Variants in SDK1 observed in about 807,000 individuals in gnomAD.
The protein encoded by SDK1 is sidekick cell adhesion molecule 1.
In SDK1, 157 loss-of-function variants were observed where a neutral mutation model predicts 245.5. The observed-to-expected ratio is 0.64, with a 90% confidence interval of 0.56 to 0.73. SDK1 has a LOEUF of 0.73. SDK1 is among the 30% of genes least tolerant of loss of function. SDK1 has a pLI of 0.00. For synonymous variants in SDK1, 1,647 were observed against 1,278.5 expected (o/e 1.29, Z -6.15); for missense variants, 3,583 against 3,002.3 (o/e 1.19, Z -4.52).
At chr7:4,211,724 C>T (rs1488825387) in intron 38 of SDK1, among the ~76,000 whole-genome samples, 5 of 152,236 alleles carry the variant, frequency 3.3e-5, no homozygotes, top group Non-Finnish European at 7.3e-5. Flanking sequence ...ATTCTCCTGC[C>T]TCAGCCTCCC....
At chr7:3,754,465 C>A (rs1334551638) in intron 4 of SDK1, among the ~76,000 whole-genome samples, 4 of 152,126 alleles carry the variant, frequency 2.6e-5, no homozygotes, top group African/African-American at 9.7e-5. Flanking sequence ...GAGGTGAAAT[C>A]TTTTATCAGC....
At chr7:3,691,434 G>A (rs1784434742) in intron 4 of SDK1, among the ~76,000 whole-genome samples, 1 of 152,170 alleles carries the variant, frequency 6.6e-6, no homozygotes, top group African/African-American at 2.4e-5. Flanking sequence ...AGAAACAACT[G>A]GAGTCCAAGT....
At chr7:3,360,480 TTG>T (rs1780922459) in intron 1 of SDK1, among the ~76,000 whole-genome samples, 1 of 152,144 alleles carries the variant, frequency 6.6e-6, no homozygotes, top group South Asian at 2.1e-4. Flanking sequence ...TTACATGAAT[TTG>T]TGTGTGTTTG....
chr7:3,941,977 T>C (rs1367896659), intron 5 of SDK1, among the ~76,000 whole-genome samples: 1 of 151,450 alleles, frequency 6.6e-6, no homozygotes, highest in Non-Finnish European at 1.5e-5. Flanking sequence ...GGCGTGATCT[T>C]GGCTCACCTC....
chr7:3,382,107 ATTTTTAT>A (rs976421453), intron 1 of SDK1, among the ~76,000 whole-genome samples: 6 of 151,846 alleles, frequency 4.0e-5, no homozygotes, highest in Non-Finnish European at 7.4e-5. Flanking sequence ...TCCTCATTTT[ATTTTTAT>A]TTTTTATTTT....
Position 3,374,690 on chromosome 7 carries a change from C to G in SDK1, c.298+72806C>G, listed in dbSNP as rs538731206. On this transcript the variant is annotated intron_variant, in intron 1 of 44. Coordinates refer to ENST00000404826, the MANE Select transcript of SDK1 (RefSeq NM_152744.4). ...GCCTAGACCAATTTCTAACCATGCTCTGCTCCTCCAGTCCCCACTACACAC... is the reference window on the plus strand; with the variant it reads ...GCCTAGACCAATTTCTAACCATGCTGTGCTCCTCCAGTCCCCACTACACAC... Among the ~76,000 whole-genome samples the G allele has an allele frequency of 9.9e-4, 150 of 152,234 alleles. 1 individual carries two copies. The highest frequency in any genetic ancestry group is 1.2e-3 in the Non-Finnish European group (80 of 68,008).
intron 4 of SDK1, among the ~76,000 whole-genome samples, chr7:3,649,770 C>T (rs10236517): frequency 0.2 from 30,267 of 152,028 alleles, 3,411 homozygotes; most frequent in South Asian, 0.34. Flanking sequence ...CCTAAGTCCA[C>T]ACCGTTCCAC....
intron 1 of SDK1, among the ~76,000 whole-genome samples, chr7:3,425,504 C>T (rs185726809): frequency 1.3e-5 from 2 of 152,132 alleles, no homozygotes; most frequent in Non-Finnish European, 2.9e-5. Context: ...TGTTTTTCTT[C>T]TGTTAGATAC....
chr7:4,070,995 A>G (rs1475458612), intron 20 of SDK1, among the ~76,000 whole-genome samples: 2 of 151,748 alleles, frequency 1.3e-5, no homozygotes, highest in Admixed American at 6.6e-5. Flanking sequence ...TCTTATAAGC[A>G]TATAGCTGGA....
At chr7:3,346,749 ATGTG>A (rs199510102) in intron 1 of SDK1, among the ~76,000 whole-genome samples, 39 of 118,928 alleles carry the variant, frequency 3.3e-4, no homozygotes, top group Non-Finnish European at 5.2e-4. Flanking sequence ...ACGTATATAT[ATGTG>A]TGTGTGTATA....
At chr7:3,314,690 G>A (rs944906368) in intron 1 of SDK1, among the ~76,000 whole-genome samples, 3 of 152,174 alleles carry the variant, frequency 2.0e-5, no homozygotes, top group Non-Finnish European at 4.4e-5. Context: ...GTCTTCTGTG[G>A]AATGAAAAGC....
Position 4,245,243 on chromosome 7 carries a change from T to C in SDK1, c.6252-433T>C, listed in dbSNP as rs556846965. Reference sequence around the variant, plus strand: ...CAAACTTCCCCAATTCCCTCTCATCTGTAGGAGACAATTCCCACTCCTTAG... The same window carrying C: ...CAAACTTCCCCAATTCCCTCTCATCCGTAGGAGACAATTCCCACTCCTTAG... On this transcript the variant is annotated intron_variant, in intron 43 of 44. Coordinates refer to ENST00000404826, the MANE Select transcript of SDK1 (RefSeq NM_152744.4). 3.4e-3 allele frequency among the ~76,000 whole-genome samples: 519 copies of C among 152,268 alleles called. 4 individuals are homozygous for C. Among genetic ancestry groups the C allele is most frequent in the African/African-American group, 0.012 (498 of 41,550 alleles).
At chr7:3,421,568 A>G (rs947418536) in intron 1 of SDK1, among the ~76,000 whole-genome samples, 2 of 152,176 alleles carry the variant, frequency 1.3e-5, no homozygotes, top group African/African-American at 4.8e-5. Context: ...AGTTTTCAGT[A>G]TTGAGCTGCT....
At chr7:3,895,726 C>T (rs1326967437) in intron 5 of SDK1, among the ~76,000 whole-genome samples, 1 of 152,164 alleles carries the variant, frequency 6.6e-6, no homozygotes, top group Non-Finnish European at 1.5e-5. Context: ...GTGCTTGATG[C>T]CATCAGTATC....
At chr7:3,591,999 C>T (rs781077564) in intron 1 of SDK1, among the ~76,000 whole-genome samples, 3 of 152,152 alleles carry the variant, frequency 2.0e-5, no homozygotes, top group Non-Finnish European at 4.4e-5. Context: ...TAGTTCTATA[C>T]AGAAACAAAT....
intron 14 of SDK1, among the ~76,000 whole-genome samples, chr7:3,999,606 A>C (rs931539998): frequency 3.3e-5 from 5 of 152,182 alleles, no homozygotes; most frequent in Admixed American, 3.3e-4. Context: ...CGAGGCTTGG[A>C]TGCAGGGCAG....
At chr7:3,499,707 G>T (rs73050200) in intron 1 of SDK1, among the ~76,000 whole-genome samples, 14,342 of 152,204 alleles carry the variant, frequency 0.094, 884 homozygotes, top group African/African-American at 0.17. Context: ...GAAGAGAAAC[G>T]GAGCTGAGTC....
chr7:3,325,806 C>G (rs1408949784), intron 1 of SDK1, among the ~76,000 whole-genome samples: 4 of 152,052 alleles, frequency 2.6e-5, no homozygotes, highest in African/African-American at 9.7e-5. Flanking sequence ...ACATTCTGCT[C>G]AACTAGTTTT....
intron 1 of SDK1, among the ~76,000 whole-genome samples, chr7:3,347,147 G>T (rs917062438): frequency 6.6e-6 from 1 of 151,688 alleles, no homozygotes; most frequent in South Asian, 2.1e-4. Flanking sequence ...CTTGCATCCA[G>T]ACGTTAGCCG....
Sources: gnomAD v4.1 joint callset for allele counts (sites outside exome capture counted in the v4.1 genomes callset) on GRCh38, gnomAD v4.1.1 for gene constraint, MANE v1.5 for transcripts, NCBI Gene and HGNC (gene_info 2026-07-23, HGNC 2026-07-21) for gene names.